The following MAGI2 variants were observed in gnomAD, a reference collection of about 807,000 sequenced individuals.
MAGI2 encodes the protein membrane associated guanylate kinase, WW and PDZ domain containing 2.
MAGI2 carries 35 observed loss-of-function variants against 133.3 expected under a neutral mutation model. The ratio of observed to expected loss-of-function variants is 0.26; its 90% CI spans 0.20 to 0.35. The LOEUF (loss-of-function observed/expected upper bound fraction) is 0.35. Ranked by LOEUF, MAGI2 falls within the 10% of genes least tolerant of loss-of-function variation. The pLI is 1.00. For missense variants in MAGI2, 1,636 were observed against 1,863.4 expected (o/e 0.88, Z 2.25); for synonymous variants, 729 against 710.6 (o/e 1.03, Z -0.41).
intron 1 of MAGI2, among the ~76,000 whole-genome samples, chr7:79,404,848 C>G (rs1845698956): frequency 6.6e-6 from 1 of 152,118 alleles, no homozygotes; most frequent in African/African-American, 2.4e-5. Flanking sequence ...TTCCTTAGGT[C>G]CACCTTCCTA....
intron 2 of MAGI2, among the ~76,000 whole-genome samples, chr7:78,780,644 T>C (rs1826321061): frequency 6.6e-6 from 1 of 152,306 alleles, no homozygotes; most frequent in African/African-American, 2.4e-5. Flanking sequence ...TATGTAACTT[T>C]TGAATGAATA....
intron 1 of MAGI2, among the ~76,000 whole-genome samples, chr7:79,419,775 G>T (rs1391106483): frequency 2.0e-5 from 3 of 152,008 alleles, no homozygotes; most frequent in Admixed American, 1.3e-4. Flanking sequence ...TGATATTGAA[G>T]TAGCAAATGC....
At chr7:79,416,731 C>CT (rs1360457770) in intron 1 of MAGI2, among the ~76,000 whole-genome samples, 3 of 129,330 alleles carry the variant, frequency 2.3e-5, no homozygotes, top group East Asian at 2.4e-4. Context: ...TTTTCTTTTT[C>CT]TTTTTTTTTT....
intron 7 of MAGI2, among the ~76,000 whole-genome samples, chr7:78,351,549 A>G (rs78289702): frequency 0.015 from 2,267 of 151,938 alleles, 53 homozygotes; most frequent in African/African-American, 0.052. Context: ...CACAATGCAA[A>G]CTGGCTTCTT....
At chr7:79,085,387 A>C (rs61324116) in intron 1 of MAGI2, among the ~76,000 whole-genome samples, 127,823 of 151,592 alleles carry the variant, frequency 0.84, 54,451 homozygotes, top group Non-Finnish European at 0.88. Flanking sequence ...TATTTTTGTA[A>C]TTTCTTTAAT....
chr7:78,900,813 C>A (rs1797566965), intron 2 of MAGI2, among the ~76,000 whole-genome samples: 1 of 151,828 alleles, frequency 6.6e-6, no homozygotes, highest in African/African-American at 2.4e-5. Context: ...AGCTGTATAC[C>A]CAGCATATAA....
Position 79,368,629 on chromosome 7 carries a change from A to T in MAGI2, c.301+84391T>A, listed in dbSNP as rs534876584. On this transcript the variant is annotated intron_variant, in intron 1 of 21. Transcript: ENST00000354212. ...TTTGGGAGGCCGAGGCGGGCGGATC[A>T]CGAGGTCAGGAGATCGAGACCATCC... Among the ~76,000 whole-genome samples the T allele has an allele frequency of 3.1e-3, 471 of 151,984 alleles. 4 individuals carry two copies. Among genetic ancestry groups the T allele is most frequent in the African/African-American group, 0.01 (421 of 41,468 alleles).
At chr7:78,439,839 G>C (rs1431256485) in intron 6 of MAGI2, among the ~76,000 whole-genome samples, 1 of 151,970 alleles carries the variant, frequency 6.6e-6, no homozygotes, top group East Asian at 1.9e-4. Context: ...CATTGGTTTT[G>C]ACAATAGTAT....
intron 1 of MAGI2, among the ~76,000 whole-genome samples, chr7:79,216,618 C>T (rs1252086711): frequency 1.3e-5 from 2 of 152,066 alleles, no homozygotes; most frequent in African/African-American, 4.8e-5. Context: ...TTTTGCTCCC[C>T]CTCCCATAAA....
intron 21 of MAGI2, among the ~76,000 whole-genome samples, chr7:78,067,804 C>T (rs1336817621): frequency 6.6e-6 from 1 of 152,118 alleles, no homozygotes; most frequent in Non-Finnish European, 1.5e-5. Context: ...CAGAACAGGA[C>T]ATTGGGGCAA....
intron 2 of MAGI2, among the ~76,000 whole-genome samples, chr7:78,917,264 G>A (rs1798876412): frequency 6.6e-6 from 1 of 152,056 alleles, no homozygotes; most frequent in African/African-American, 2.4e-5. Context: ...AGTAAATCTG[G>A]AGAGGAGGGT....
intron 1 of MAGI2, among the ~76,000 whole-genome samples, chr7:79,282,085 T>C (rs1438145431): frequency 6.6e-6 from 1 of 152,168 alleles, no homozygotes; most frequent in East Asian, 1.9e-4. Flanking sequence ...ATAAAATGAC[T>C]AATAACAGCT....
rs1839497892 is a variant in MAGI2 at position 79,324,628 on chromosome 7, ATTATATATATATAAAAT to A, written c.301+128375_301+128391del. ...TATAAAAAATATATATAATATATATATTATATATATATAAAATATATATATATTATATATATATAAAA... is the reference window on the plus strand; with the variant it reads ...TATAAAAAATATATATAATATATATAATATATATATTATATATATATAAAA... On this transcript the variant is annotated intron_variant, in intron 1 of 21. Coordinates refer to ENST00000354212, the MANE Select transcript of MAGI2 (RefSeq NM_012301.4). 9.9e-5 allele frequency among the ~76,000 whole-genome samples: 6 copies of A among 60,316 alleles called. 1 individual carries two copies. The highest frequency in any genetic ancestry group is 3.6e-4 in the African/African-American group (5 of 14,056). 39.6% of individuals were successfully genotyped at this position (60,316 alleles called of 152,430 possible). A position where few individuals can be genotyped will look rare whatever the true frequency, so the allele number is the denominator to read the frequency against.
At chr7:79,163,627 A>G (rs1300324222) in intron 1 of MAGI2, among the ~76,000 whole-genome samples, 1 of 152,064 alleles carries the variant, frequency 6.6e-6, no homozygotes, top group Non-Finnish European at 1.5e-5. Flanking sequence ...CTCAAATAAG[A>G]TTTATGATAA....
At chr7:78,198,193 C>T (rs1828901323) in intron 11 of MAGI2, among the ~76,000 whole-genome samples, 2 of 152,118 alleles carry the variant, frequency 1.3e-5, no homozygotes, top group Non-Finnish European at 2.9e-5. Context: ...CTTGTCCAGT[C>T]CCAGTGGTGT....
intron 16 of MAGI2, among the ~76,000 whole-genome samples, chr7:78,142,679 G>T (rs902890417): frequency 6.6e-5 from 10 of 151,948 alleles, no homozygotes; most frequent in Non-Finnish European, 1.0e-4. Context: ...TATTTCAAGG[G>T]GTTCATGTAT....
chr7:78,608,837 G>C (rs536805928), intron 3 of MAGI2, among the ~76,000 whole-genome samples: 8 of 152,276 alleles, frequency 5.3e-5, no homozygotes, highest in African/African-American at 1.9e-4. Flanking sequence ...CTAGTTAGCT[G>C]ACTGGCTGTT....
chr7:78,158,013 G>C (rs1824567121), intron 16 of MAGI2, among the ~76,000 whole-genome samples: 1 of 152,118 alleles, frequency 6.6e-6, no homozygotes, highest in South Asian at 2.1e-4. Context: ...CTCTCCATGA[G>C]GTTCTGGTGG....
chr7:78,423,784 G>C lies in MAGI2; in HGVS notation c.1046-54571C>G, dbSNP rs150998479. ...CATTTTGGCCCTGCCCTAGAGATTT[G>C]TGGAGCCTTGAAGTTGAGAGAGATG... On this transcript the variant is annotated intron_variant, in intron 6 of 21. Coordinates refer to ENST00000354212, the MANE Select transcript of MAGI2 (RefSeq NM_012301.4). Among the ~76,000 whole-genome samples, 665 of 152,214 alleles carry C rather than the reference G, an allele frequency of 4.4e-3. 3 individuals carry two copies. The highest frequency in any genetic ancestry group is 0.015 in the African/African-American group (623 of 41,528).
Sources: allele counts gnomAD v4.1 joint callset (sites outside exome capture counted in the v4.1 genomes callset), GRCh38; gene constraint gnomAD v4.1.1; transcripts MANE v1.5; gene names NCBI Gene and HGNC (gene_info 2026-07-23, HGNC 2026-07-21).